The following CEACAM19 variants were observed in gnomAD, a reference collection of about 807,000 sequenced individuals.
CEACAM19 encodes cell adhesion molecule CEACAM19.
Under a neutral mutation model 37.6 loss-of-function variants are expected in CEACAM19, and 37 were observed. The ratio of observed to expected loss-of-function variants is 0.98; its 90% confidence interval spans 0.76 to 1.29. The LOEUF is 1.29. Ranked by LOEUF, CEACAM19 falls within the 50% of genes most tolerant of loss-of-function variation. The pLI is 0.00. For missense variants in CEACAM19, 340 were observed against 375.6 expected, an observed-to-expected ratio of 0.91 and a Z score of 0.78; for synonymous variants, 140 against 149.8, an observed-to-expected ratio of 0.93 and a Z score of 0.48.
chr19:44,683,394 C>A (rs552519366), intron 7 of CEACAM19, 43 bp from the exon 8 acceptor site: 6 of 869,096 alleles, frequency 6.9e-6, no homozygotes, highest in Non-Finnish European at 1.1e-5. Context: ...AGACTCTCCC[C>A]CTCCACCCAG....
At chr19:44,677,441 G>C (rs1973971488) in intron 3 of CEACAM19, 1 of 152,058 alleles carries the variant, frequency 6.6e-6, no homozygotes, top group East Asian at 1.9e-4. Context: ...TGGAGAGAGA[G>C]AGAGAGAGAG....
intron 2 of CEACAM19, 146 bp from the exon 3 acceptor site, chr19:44,676,124 GA>G: frequency 1.2e-6 from 1 of 826,828 alleles, no homozygotes; most frequent in Non-Finnish European, 1.9e-6. Flanking sequence ...ACTCAGATCT[GA>G]AAAGCAGGAG....
intron 7 of CEACAM19, 79 bp from the exon 8 acceptor site, chr19:44,683,358 A>C (rs1974098933): frequency 4.8e-6 from 3 of 619,380 alleles, no homozygotes; most frequent in South Asian, 2.0e-5. Flanking sequence ...GCTGTCTCTC[A>C]TCCTCTGTCC....
chr19:44,669,086 C>T (rs914180531), upstream of CEACAM19, among the ~76,000 whole-genome samples: 3 of 151,464 alleles, frequency 2.0e-5, no homozygotes, highest in East Asian at 5.8e-4. Context: ...TCCCAAAGTG[C>T]TAGGACTACA....
intron 7 of CEACAM19, chr19:44,683,183 T>A: frequency 2.4e-6 from 1 of 413,124 alleles, no homozygotes; most frequent in Non-Finnish European, 4.3e-6. Context: ...TTCGTTTCTC[T>A]GCATCTCTGT....
intron 5 of CEACAM19, among the ~76,000 whole-genome samples, chr19:44,680,647 C>A (rs1974040825): frequency 6.6e-6 from 1 of 152,096 alleles, no homozygotes; most frequent in South Asian, 2.1e-4. Flanking sequence ...CTCCCAGCCT[C>A]CAGACCCCTC....
intron 3 of CEACAM19, chr19:44,678,038 G>C (rs2032475621): frequency 6.6e-6 from 1 of 152,168 alleles, no homozygotes; most frequent in South Asian, 2.1e-4. Flanking sequence ...GAGTGCAGTG[G>C]CATGATCATA....
In CEACAM19 at chr19:44,681,507, C is replaced by T. The variant is rs112479322; in HGVS notation, c.792+195C>T. 6.6e-5 allele frequency among the ~76,000 whole-genome samples: 10 copies of T among 152,230 alleles called. 1 individual carries two copies. Among genetic ancestry groups the T allele is most frequent in the Admixed American group, 2.0e-4 (3 of 15,294 alleles). On this transcript the variant is annotated intron_variant, in intron 6 of 7. Coordinates refer to ENST00000358777, the MANE Select transcript of CEACAM19 (RefSeq NM_001127893.3). The stretch of plus-strand genomic sequence containing the variant: ...GCACAACAGAAGCAGCATTTGTCTC[C>T]GGGGTGTGGAGGCTGGTGGGTGGGT...
upstream of CEACAM19, among the ~76,000 whole-genome samples, chr19:44,668,699 A>T (rs1368967493): frequency 8.6e-4 from 68 of 79,030 alleles, 10 homozygotes; most frequent in African/African-American, 5.8e-3. Flanking sequence ...TATATTATAT[A>T]TTATATTATA....
chr19:44,665,889 C>G lies in CEACAM19; in HGVS notation c.-320+3491C>G, dbSNP rs1163416549. 6 of 152,300 alleles carry G rather than the reference C, an allele frequency of 3.9e-5. No individual in the cohort carries two copies. In the East Asian group the frequency reaches 1.2e-3, roughly 29 times the overall value. The allele number at this position is 152,300 out of a possible 1,614,324, so 9.4% of individuals were successfully genotyped here. ...CAGCAGCAGAAACCTCACCCAGCAG[C>G]GTCTTTTCCGGTCTCATTCACCAGC... On this transcript the variant is annotated intron_variant, in intron 1 of 3. Transcript: ENST00000591979.
intron 4 of CEACAM19, among the ~76,000 whole-genome samples, chr19:44,679,632 C>A (rs1019780879): frequency 4.6e-5 from 7 of 152,092 alleles, no homozygotes; most frequent in African/African-American, 1.7e-4. Flanking sequence ...GCCTGTAGTC[C>A]CAGCTACTCG....
chr19:44,682,084 C>T (rs1362378337), intron 6 of CEACAM19, among the ~76,000 whole-genome samples: 1 of 151,988 alleles, frequency 6.6e-6, no homozygotes, highest in African/African-American at 2.4e-5. Flanking sequence ...ATAGCTAGAC[C>T]CCATCTCTAC....
chr19:44,670,781 GAAAAAAAAAAAAAAAAA>G (rs74691226), upstream of CEACAM19, among the ~76,000 whole-genome samples: 1 of 58,156 alleles, frequency 1.7e-5, no homozygotes, highest in African/African-American at 3.7e-5. Context: ...CCTGTCTCAA[GAAAAAAAAAAAAAAAAA>G]AAAAAAAAAA....
At chr19:44,683,369 C>A in intron 7 of CEACAM19, 68 bp from the exon 8 acceptor site, 1 of 655,008 alleles carries the variant, frequency 1.5e-6, no homozygotes, top group Non-Finnish European at 2.8e-6. Context: ...TCCTCTGTCC[C>A]TCTCTGTCTC....
upstream of CEACAM19, among the ~76,000 whole-genome samples, chr19:44,668,491 ATATT>A (rs1370530108): frequency 1.9e-4 from 11 of 57,390 alleles, no homozygotes; most frequent in African/African-American, 6.1e-4. Context: ...TATATTATAT[ATATT>A]ATATATATTA....
intron 4 of CEACAM19, among the ~76,000 whole-genome samples, chr19:44,679,796 GGC>G (rs1974022184): frequency 6.6e-6 from 1 of 151,106 alleles, no homozygotes; most frequent in Non-Finnish European, 1.5e-5. Flanking sequence ...CGAGCATGGT[GGC>G]ACACACCTGT....
At position 44,681,279 on chromosome 19, in the gene CEACAM19, C is replaced by T; in HGVS notation, c.759C>T (p.Pro253=). ...VMPSPVLLVS[P]ISDTRSINPA... ...CCTCTCCAGTCCTCCTGGTGTCCCC[C>T]ATCAGTGACACAAGGTCCATAAACC... The change falls in exon 6 of 8, where the codon CCC becomes CCT. Residue 253 remains proline (P), a synonymous_variant. Transcript: ENST00000358777. 6.2e-7 allele frequency: 1 copy of T among 1,614,068 alleles called. No individual in the cohort carries two copies. Among genetic ancestry groups the T allele is most frequent in the Middle Eastern group, 1.6e-4 (1 of 6,062 alleles).
Position 44,671,881 on chromosome 19 carries a change from C to G in CEACAM19, c.-51C>G, listed in dbSNP as rs1461654691. 2.6e-6 allele frequency: 4 copies of G among 1,525,138 alleles called. No individual in the cohort carries two copies. The highest frequency in any genetic ancestry group is 3.6e-6 in the Non-Finnish European group (4 of 1,115,534). 94.5% of individuals were successfully genotyped at this position (1,525,138 alleles called of 1,614,324 possible). The stretch of plus-strand genomic sequence containing the variant: ...AGACAGCCAGGGCCCACCCCTCTGG[C>G]CCCCTTAGTGTCCAGCTCGTGGCCC... On this transcript the variant is annotated 5_prime_UTR_variant, in exon 1 of 8. Coordinates refer to ENST00000358777, the MANE Select transcript of CEACAM19 (RefSeq NM_001127893.3).
At chr19:44,670,080 G>C (rs191532256), upstream of CEACAM19, among the ~76,000 whole-genome samples, 3 of 152,248 alleles carry the variant, frequency 2.0e-5, no homozygotes, top group Admixed American at 1.3e-4. Flanking sequence ...CCAGTACTTT[G>C]GGAGGCTAAG....
Sources: allele counts gnomAD v4.1 joint callset (sites outside exome capture counted in the v4.1 genomes callset), GRCh38; gene constraint gnomAD v4.1.1; transcripts MANE v1.5; gene names NCBI Gene and HGNC (gene_info 2026-07-23, HGNC 2026-07-21).